Variants in HDAC9 observed in about 807,000 individuals in gnomAD.
HDAC9 encodes MEF-2 interacting transcription repressor (MITR) protein.
Under a neutral mutation model 139.4 loss-of-function variants are expected in HDAC9, and 41 were observed. The observed-to-expected ratio is 0.29, with a 90% CI of 0.23 to 0.38. The LOEUF (loss-of-function observed/expected upper bound fraction) is 0.38. Ranked by LOEUF, HDAC9 falls within the 10% of genes least tolerant of loss-of-function variation. The pLI is 1.00. For synonymous variants in HDAC9, 517 were observed against 476.2 expected (o/e 1.09, Z -1.12); for missense variants, 1,147 against 1,297.0 (o/e 0.88, Z 1.78).
At chr7:18,265,034 T>G (rs1224429601) in intron 2 of HDAC9, among the ~76,000 whole-genome samples, 1 of 152,200 alleles carries the variant, frequency 6.6e-6, no homozygotes, top group Non-Finnish European at 1.5e-5. Flanking sequence ...GTGTTATGTC[T>G]GTCATGGTAC....
chr7:18,820,065 A>G (rs1794849323), intron 17 of HDAC9, among the ~76,000 whole-genome samples: 2 of 152,180 alleles, frequency 1.3e-5, no homozygotes, highest in South Asian at 4.1e-4. Flanking sequence ...ATATGAATAT[A>G]TTCCCTTCAA....
intron 2 of HDAC9, among the ~76,000 whole-genome samples, chr7:18,263,413 A>G (rs1479281939): frequency 6.6e-6 from 1 of 152,158 alleles, no homozygotes; most frequent in African/African-American, 2.4e-5. Flanking sequence ...GGAGGATGTT[A>G]AAAGAAAGGT....
chr7:18,937,101 G>A (rs1224921901), intron 23 of HDAC9, among the ~76,000 whole-genome samples: 5 of 144,168 alleles, frequency 3.5e-5, no homozygotes, highest in East Asian at 2.1e-4. Flanking sequence ...GTGCAGTGGC[G>A]CGATCTCGGC....
At chr7:18,950,024 A>G (rs1417568645) in intron 23 of HDAC9, among the ~76,000 whole-genome samples, 1 of 152,132 alleles carries the variant, frequency 6.6e-6, no homozygotes, top group African/African-American at 2.4e-5. Context: ...AGAGAAGTTA[A>G]CAAACATCTA....
chr7:18,899,175 G>C (rs542587122), intron 22 of HDAC9: 3 of 152,112 alleles, frequency 2.0e-5, no homozygotes, highest in African/African-American at 7.2e-5. Flanking sequence ...TTGGATGACA[G>C]CTAGACTGTC....
At chr7:18,532,698 A>T (rs2128239104) in intron 2 of HDAC9, among the ~76,000 whole-genome samples, 1 of 152,298 alleles carries the variant, frequency 6.6e-6, no homozygotes, top group South Asian at 2.1e-4. Context: ...AAAGTAAGTC[A>T]TGCATTTAGT....
At chr7:18,623,669 T>G (rs1313496715) in intron 6 of HDAC9, among the ~76,000 whole-genome samples, 1 of 152,096 alleles carries the variant, frequency 6.6e-6, no homozygotes, top group Non-Finnish European at 1.5e-5. Context: ...GGTGGCTGGG[T>G]GCAGTGGCTC....
Position 18,329,555 on chromosome 7 carries a change from CA to C in HDAC9, c.-42+39054del, listed in dbSNP as rs58319995. ...GTAAACAAAAGAAATGTCATCTCTC[CA>C]AAAAAAAAAAAAACAGTGAATGGAA... On this transcript the variant is annotated intron_variant, in intron 1 of 3. Transcript: ENST00000413509. Among the ~76,000 whole-genome samples the C allele has an allele frequency of 9.8e-3, 1,132 of 115,372 alleles. 13 individuals carry two copies. The highest frequency in any genetic ancestry group is 0.031 in the African/African-American group (968 of 31,614). 75.7% of individuals were successfully genotyped at this position (115,372 alleles called of 152,430 possible).
chr7:18,514,478 T>C (rs1802546488), intron 2 of HDAC9, among the ~76,000 whole-genome samples: 1 of 152,230 alleles, frequency 6.6e-6, no homozygotes, highest in Non-Finnish European at 1.5e-5. Context: ...GGACTTATTT[T>C]GGGCTAAAAT....
intron 1 of HDAC9, among the ~76,000 whole-genome samples, chr7:18,161,791 C>A (rs550502141): frequency 6.6e-6 from 1 of 152,146 alleles, no homozygotes; most frequent in Admixed American, 6.5e-5. Context: ...TTAAACATTT[C>A]TTTTTGCCAA....
In HDAC9 at chr7:18,672,781, T is replaced by C. The variant is rs547797679; in HGVS notation, c.1731+6305T>C. 4.6e-5 allele frequency among the ~76,000 whole-genome samples: 7 copies of C among 152,192 alleles called. No individual in the cohort carries two copies. In the South Asian group the frequency reaches 8.3e-4, roughly 18 times the overall value. On this transcript the variant is annotated intron_variant, in intron 12 of 25. Coordinates refer to ENST00000686413, the MANE Select transcript of HDAC9 (RefSeq NM_178425.4). The stretch of plus-strand genomic sequence containing the variant: ...CATTTAAATTATTTTCAAAGAGATA[T>C]GAACTTCATGATTATTGGACTTCAT...
At chr7:18,644,901 C>T in intron 9 of HDAC9, 108 bp downstream of exon 9, 1 of 1,056,808 alleles carries the variant, frequency 9.5e-7, no homozygotes, top group African/African-American at 1.6e-5. Context: ...CTTGACAGAG[C>T]CAGCATCTCC....
intron 13 of HDAC9, among the ~76,000 whole-genome samples, chr7:18,744,694 A>G (rs1369505139): frequency 1.3e-5 from 2 of 152,204 alleles, no homozygotes; most frequent in African/African-American, 4.8e-5. Flanking sequence ...AATAGATTAT[A>G]TGGCTAAAAA....
At chr7:18,301,185 T>C (rs1200572519) in intron 1 of HDAC9, among the ~76,000 whole-genome samples, 1 of 152,164 alleles carries the variant, frequency 6.6e-6, no homozygotes, top group Admixed American at 6.5e-5. Context: ...TAATATTCCC[T>C]CAAGTTAAAT....
At chr7:18,175,122 C>T (rs1788780984) in intron 2 of HDAC9, among the ~76,000 whole-genome samples, 1 of 152,212 alleles carries the variant, frequency 6.6e-6, no homozygotes, top group Non-Finnish European at 1.5e-5. Context: ...CTAATTCTAG[C>T]TTCCTGAGCA....
At position 18,557,339 on chromosome 7, in the gene HDAC9, G is replaced by GTT. The variant is rs34667664; in HGVS notation, c.23-27926_23-27925dup. ...TTTGACAACTTTAAAGCAATGATGA[G>GTT]TTTTTTTTTTTTTTTTTATATCTAA... On this transcript the variant is annotated intron_variant, in intron 2 of 25. Coordinates refer to ENST00000686413, the MANE Select transcript of HDAC9 (RefSeq NM_178425.4). Among the ~76,000 whole-genome samples the GTT allele has an allele frequency of 3.8e-3, 522 of 137,384 alleles. 4 individuals carry two copies. The highest frequency in any genetic ancestry group is 0.016 in the Admixed American group (228 of 13,846). The allele number at this position is 137,384 out of a possible 152,430, so 90.1% of individuals were successfully genotyped here.
chr7:18,698,026 A>G (rs1181191657), intron 12 of HDAC9, among the ~76,000 whole-genome samples: 1 of 152,190 alleles, frequency 6.6e-6, no homozygotes, highest in Non-Finnish European at 1.5e-5. Flanking sequence ...GAGAAGACGC[A>G]TGAACAAAAA....
At chr7:18,609,893 T>G (rs973604952) in intron 6 of HDAC9, among the ~76,000 whole-genome samples, 3 of 151,930 alleles carry the variant, frequency 2.0e-5, no homozygotes, top group Non-Finnish European at 2.9e-5. Flanking sequence ...TGGGTTTTTG[T>G]CCTTGCGAGT....
At chr7:18,775,746 G>A (rs1441847183) in intron 16 of HDAC9, among the ~76,000 whole-genome samples, 3 of 150,690 alleles carry the variant, frequency 2.0e-5, no homozygotes, top group African/African-American at 7.3e-5. Context: ...CTTAGACTCT[G>A]CATTGATTTT....
Sources: allele counts gnomAD v4.1 joint callset (sites outside exome capture counted in the v4.1 genomes callset), GRCh38; gene constraint gnomAD v4.1.1; transcripts MANE v1.5; gene names NCBI Gene and HGNC (gene_info 2026-07-23, HGNC 2026-07-21).